Variants in UST observed in about 807,000 individuals in gnomAD.
The protein encoded by UST is chondroitin sulfate 2-O-sulfotransferase.
Under a neutral mutation model 45.6 loss-of-function variants are expected in UST, and 21 were observed. That is an observed-to-expected ratio of 0.46 (90% CI 0.33 to 0.66). UST has a LOEUF of 0.66. UST is among the 30% of genes least tolerant of loss of function. The pLI is 0.02. For missense variants in UST, 463 were observed against 512.4 expected (o/e 0.90, Z 0.93); for synonymous variants, 215 against 200.6 (o/e 1.07, Z -0.61).
intron 2 of UST, among the ~76,000 whole-genome samples, chr6:148,908,788 A>ATC (rs751002041): frequency 4.1e-4 from 63 of 152,296 alleles, no homozygotes; most frequent in Admixed American, 1.8e-3. Context: ...GTTACAAATG[A>ATC]TCTTGTAATC....
At chr6:149,044,831 A>G (rs151294398) in intron 7 of UST, among the ~76,000 whole-genome samples, 72 of 152,378 alleles carry the variant, frequency 4.7e-4, no homozygotes, top group Non-Finnish European at 7.2e-4. Flanking sequence ...AGCTCTTCCA[A>G]TAACACGTGC....
At chr6:148,814,527 C>T (rs72999161) in intron 1 of UST, among the ~76,000 whole-genome samples, 1,589 of 152,084 alleles carry the variant, frequency 0.01, 20 homozygotes, top group Admixed American at 0.021. Flanking sequence ...GAAATTCTTG[C>T]AGATTTATGA....
intron 2 of UST, among the ~76,000 whole-genome samples, chr6:148,914,732 C>T (rs1416155060): frequency 2.6e-5 from 4 of 152,074 alleles, no homozygotes; most frequent in African/African-American, 7.2e-5. Context: ...CAGCCCAGTT[C>T]GTTACAGGCC....
At chr6:148,950,916 A>T (rs537462108) in intron 3 of UST, among the ~76,000 whole-genome samples, 5 of 152,338 alleles carry the variant, frequency 3.3e-5, no homozygotes, top group African/African-American at 1.2e-4. Flanking sequence ...ACATTGCCTG[A>T]TACAGAGGGG....
At chr6:148,890,966 C>T (rs181333613) in intron 2 of UST, among the ~76,000 whole-genome samples, 2 of 152,190 alleles carry the variant, frequency 1.3e-5, no homozygotes, top group Admixed American at 6.5e-5. Flanking sequence ...TGAAATTGCA[C>T]GCATATGTTT....
At chr6:148,974,110 A>G (rs1780972158) in intron 5 of UST, among the ~76,000 whole-genome samples, 1 of 152,176 alleles carries the variant, frequency 6.6e-6, no homozygotes, top group Non-Finnish European at 1.5e-5. Context: ...ATGTCTGACC[A>G]TTTGTCACCA....
intron 1 of UST, among the ~76,000 whole-genome samples, chr6:148,767,845 A>AT (rs554657710): frequency 2.7e-3 from 404 of 152,176 alleles, no homozygotes; most frequent in African/African-American, 9.2e-3. Flanking sequence ...ATCTTTATAT[A>AT]TTTTTTTACA....
chr6:148,895,239 C>T (rs10080691), intron 2 of UST, among the ~76,000 whole-genome samples: 46,441 of 152,010 alleles, frequency 0.31, 7,426 homozygotes, highest in African/African-American at 0.41. Flanking sequence ...CCCCAACATT[C>T]TCTCCAATTT....
At chr6:148,816,723 A>T (rs533749654) in intron 1 of UST, among the ~76,000 whole-genome samples, 1 of 152,250 alleles carries the variant, frequency 6.6e-6, no homozygotes, top group Non-Finnish European at 1.5e-5. Context: ...TTAAATGGCT[A>T]TGATATCGGA....
At chr6:149,011,212 A>G (rs1775805051) in intron 5 of UST, among the ~76,000 whole-genome samples, 1 of 152,212 alleles carries the variant, frequency 6.6e-6, no homozygotes, top group Admixed American at 6.5e-5. Context: ...AGTCAGGTAC[A>G]GAAAGACAAA....
intron 7 of UST, among the ~76,000 whole-genome samples, chr6:149,065,621 CTA>C (rs1395750165): frequency 1.3e-5 from 2 of 152,164 alleles, no homozygotes; most frequent in African/African-American, 4.8e-5. Context: ...TACCAGCCAG[CTA>C]TGTGACCTTG....
chr6:149,007,736 T>A (rs975422521), intron 5 of UST, among the ~76,000 whole-genome samples: 6 of 152,004 alleles, frequency 3.9e-5, no homozygotes, highest in South Asian at 4.1e-4. Context: ...CAGGCAAACA[T>A]TTAAGACAGG....
intron 1 of UST, among the ~76,000 whole-genome samples, chr6:148,754,357 CGTGA>C (rs1401247758): frequency 2.0e-5 from 3 of 152,074 alleles, no homozygotes; most frequent in Non-Finnish European, 4.4e-5. Flanking sequence ...TATTTGGTTA[CGTGA>C]GTAAGTTCTT....
chr6:148,773,655 AT>A (rs1376097395), intron 1 of UST, among the ~76,000 whole-genome samples: 3 of 152,168 alleles, frequency 2.0e-5, no homozygotes, highest in Non-Finnish European at 4.4e-5. Context: ...GTTGGGTGAC[AT>A]TTTGTTCACA....
At chr6:148,929,558 G>A (rs781498052) in intron 2 of UST, among the ~76,000 whole-genome samples, 3 of 152,194 alleles carry the variant, frequency 2.0e-5, no homozygotes, top group East Asian at 1.9e-4. Flanking sequence ...ATGGAAGAGC[G>A]AGATGGAACA....
intron 1 of UST, among the ~76,000 whole-genome samples, chr6:148,797,077 G>A (rs1275858712): frequency 6.6e-6 from 1 of 152,076 alleles, no homozygotes; most frequent in East Asian, 1.9e-4. Flanking sequence ...ATAGGCATGA[G>A]CCACCGCGCC....
At chr6:149,052,323 T>C (rs1032592256) in intron 7 of UST, among the ~76,000 whole-genome samples, 1 of 152,240 alleles carries the variant, frequency 6.6e-6, no homozygotes, top group Admixed American at 6.5e-5. Flanking sequence ...TAATAGTTGT[T>C]GTTATTATAT....
chr6:149,053,554 A>G (rs1469789826), intron 7 of UST, among the ~76,000 whole-genome samples: 1 of 152,192 alleles, frequency 6.6e-6, no homozygotes, highest in East Asian at 1.9e-4. Context: ...TATTTACTAT[A>G]TGCTCTATGA....
intron 1 of UST, among the ~76,000 whole-genome samples, chr6:148,863,934 T>C (rs1413536752): frequency 7.9e-5 from 12 of 152,194 alleles, no homozygotes; most frequent in Admixed American, 7.9e-4. Flanking sequence ...GTCTCCCAGT[T>C]AGGCTACTCG....
Sources: gnomAD v4.1 joint callset for allele counts (sites outside exome capture counted in the v4.1 genomes callset) on GRCh38, gnomAD v4.1.1 for gene constraint, MANE v1.5 for transcripts, NCBI Gene and HGNC (gene_info 2026-07-23, HGNC 2026-07-21) for gene names.